PIP4K2C: variants seen among roughly 807,000 people sequenced by gnomAD.
PIP4K2C encodes the protein phosphatidylinositol-5-phosphate 4-kinase type 2 gamma, also known as phosphatidylinositol 5-phosphate 4-kinase type-2 gamma.
PIP4K2C carries 21 observed loss-of-function variants against 45.0 expected under a neutral mutation model. That is an observed-to-expected ratio of 0.47 (90% confidence interval 0.33 to 0.67). The LOEUF (loss-of-function observed/expected upper bound fraction) is 0.67. Ranked by LOEUF, PIP4K2C falls within the 30% of genes least tolerant of loss-of-function variation. PIP4K2C has a pLI of 0.02. For synonymous variants in PIP4K2C, 201 were observed against 204.8 expected (o/e 0.98, Z 0.16); for missense variants, 456 against 542.8 (o/e 0.84, Z 1.59).
In PIP4K2C at chr12:57,591,483, C is replaced by CCCCG. The variant is rs746002660; in HGVS notation, c.174+22_174+25dup. 1 of 1,592,404 alleles carries CCCCG rather than the reference C, an allele frequency of 6.3e-7. No individual in the cohort carries two copies. ...CACTCGGTGAGAACCAGCCCTAGAC[C>CCCCG]CCCGCAGCCCTGTCCAAACCCCTCG... On this transcript the variant is annotated intron_variant, in intron 1 of 9. Transcript: ENST00000354947.
chr12:57,595,702 C>CAAAAA (rs67101543), intron 3 of PIP4K2C, among the ~76,000 whole-genome samples, 186 bp from the exon 4 acceptor site: 1 of 101,564 alleles, frequency 9.8e-6, no homozygotes, highest in African/African-American at 3.6e-5. Context: ...GACTCCTTGT[C>CAAAAA]AAAAAAAAAA....
chr12:57,591,437 G>A lies in PIP4K2C; in HGVS notation c.148G>A (p.Val50Met), dbSNP rs767174080. 30 of 1,613,282 alleles carry A rather than the reference G, an allele frequency of 1.9e-5. No individual in the cohort carries two copies. Among genetic ancestry groups the A allele is most frequent in the Non-Finnish European group, 2.4e-5 (28 of 1,179,716 alleles). The change falls in exon 1 of 10, where the codon GTG (valine) becomes ATG (methionine). Residue 50 changes from valine (V) to methionine (M), a missense_variant. Coordinates refer to ENST00000354947, the MANE Select transcript of PIP4K2C (RefSeq NM_024779.5). Reference protein sequence around the residue: ...VFRAADPLVGVFLWGVAHSIN... With the variant: ...VFRAADPLVGMFLWGVAHSIN... ...CCGGGCGGCCGACCCGCTGGTGGGTGTGTTCCTGTGGGGCGTAGCCCACTC... is the reference window on the plus strand; with the variant it reads ...CCGGGCGGCCGACCCGCTGGTGGGTATGTTCCTGTGGGGCGTAGCCCACTC...
Position 57,603,353 on chromosome 12 carries a change from T to G in PIP4K2C, c.*1747T>G, listed in dbSNP as rs373243118. The G allele has an allele frequency of 2.6e-5, 4 of 152,680 alleles. No individual in the cohort carries two copies. In the East Asian group the frequency reaches 7.7e-4, roughly 29 times the overall value. The allele number at this position is 152,680 out of a possible 1,614,324, so 9.5% of individuals were successfully genotyped here. On this transcript the variant is annotated 3_prime_UTR_variant, in exon 10 of 10. Coordinates refer to ENST00000354947, the MANE Select transcript of PIP4K2C (RefSeq NM_024779.5). Reference sequence around the variant, plus strand: ...CTGTTTTTCATCTTTTTTGTTTTATTAATAAAAATTTATGTATTTGCTCCT... The same window carrying G: ...CTGTTTTTCATCTTTTTTGTTTTATGAATAAAAATTTATGTATTTGCTCCT...
chr12:57,593,022 G>A (rs1883029128), intron 1 of PIP4K2C, among the ~76,000 whole-genome samples: 1 of 151,854 alleles, frequency 6.6e-6, no homozygotes, highest in African/African-American at 2.4e-5. Context: ...AGCCTCTGTG[G>A]AATGATCTAG....
chr12:57,595,752 T>G, intron 3 of PIP4K2C, 136 bp from the exon 4 acceptor site: 1 of 861,488 alleles, frequency 1.2e-6, no homozygotes, highest in Non-Finnish European at 1.8e-6. Flanking sequence ...TCAGTCCACA[T>G]ATGGACACCT....
intron 4 of PIP4K2C, among the ~76,000 whole-genome samples, chr12:57,596,292 T>A (rs1210095767): frequency 6.6e-6 from 1 of 151,896 alleles, no homozygotes; most frequent in African/African-American, 2.4e-5. Context: ...TCGAGACCAG[T>A]CTGACCAACA....
rs1883087004 is a variant in PIP4K2C at position 57,594,045 on chromosome 12, G to C, written c.195G>C (p.Val65=). Residue 65 remains valine, a synonymous_variant, in exon 2 of 10, where the codon GTG becomes GTC. Coordinates refer to ENST00000354947, the MANE Select transcript of PIP4K2C (RefSeq NM_024779.5). The stretch of plus-strand genomic sequence containing the variant: ...ATCAGATCAATGAGCTCAGCCAGGT[G>C]CCTCCCCCGGTGATGCTGCTGCCAG... ...VAHSINELSQ[V]PPPVMLLPDD... is the part of the protein sequence containing the mutation. 1 of 1,613,834 alleles carries C rather than the reference G, an allele frequency of 6.2e-7. No individual in the cohort carries two copies. The highest frequency in any genetic ancestry group is 1.3e-5 in the African/African-American group (1 of 74,858).
chr12:57,594,680 C>T (rs1324987222), intron 2 of PIP4K2C, among the ~76,000 whole-genome samples: 3 of 152,252 alleles, frequency 2.0e-5, no homozygotes, highest in East Asian at 3.9e-4. Flanking sequence ...TTTATAGGAC[C>T]TCACAAGGGC....
At chr12:57,594,695 C>T (rs4760158) in intron 2 of PIP4K2C, among the ~76,000 whole-genome samples, 92,226 of 152,028 alleles carry the variant, frequency 0.61, 30,043 homozygotes, top group South Asian at 0.78. Context: ...AAGGGCCAGG[C>T]GTGGTGGCTC....
chr12:57,591,459 A>C lies in PIP4K2C; in HGVS notation c.170A>C (p.His57Pro). 2 of 1,609,866 alleles carry C rather than the reference A, an allele frequency of 1.2e-6. No homozygotes were observed. Among genetic ancestry groups the C allele is most frequent in the Non-Finnish European group, 1.7e-6 (2 of 1,177,932 alleles). The stretch of plus-strand genomic sequence containing the variant: ...GGTGTGTTCCTGTGGGGCGTAGCCC[A>C]CTCGGTGAGAACCAGCCCTAGACCC... ...LVGVFLWGVA[H>P]SINELSQVPP... The change falls in exon 1 of 10, where the codon CAC (histidine) becomes CCC (proline). Residue 57 changes from histidine (H) to proline (P), a missense_variant. This residue lies in a region of PIP4K2C where 421 missense variants were observed against 473.1 expected (regional missense o/e 0.89). Transcript: ENST00000354947.
Position 57,600,379 on chromosome 12 carries a change from T to C in PIP4K2C, c.755T>C (p.Val252Ala). 6.2e-7 allele frequency: 1 copy of C among 1,611,454 alleles called. No homozygotes were observed. Among genetic ancestry groups the C allele is most frequent in the Non-Finnish European group, 8.5e-7 (1 of 1,177,666 alleles). The stretch of plus-strand genomic sequence containing the variant: ...GACTTTCTCAACAAGAACCAGAAAG[T>C]ATATATTGGTGAAGAGGAGAAGAAA... ...DMDFLNKNQK[V>A]YIGEEEKKIF... Residue 252 changes from valine to alanine, a missense_variant, in exon 7 of 10, where the codon GTA becomes GCA. Physicochemically the swap from Val to Ala is moderately conservative, Grantham distance 64. Transcript: ENST00000354947.
Position 57,595,166 on chromosome 12 carries a change from C to A in PIP4K2C, c.313C>A (p.Pro105Thr). ...TCATTTCAAGTTCAAGGAGTATTGTCCCCAGGTCTTCAGGAACCTCCGTGA... is the reference window on the plus strand; with the variant it reads ...TCATTTCAAGTTCAAGGAGTATTGTACCCAGGTCTTCAGGAACCTCCGTGA... ...PSHFKFKEYC[P>T]QVFRNLRDRF... The change falls in exon 3 of 10, where the codon CCC becomes ACC. Residue 105 changes from proline (P) to threonine (T), a missense_variant. By Grantham distance (38) the Pro-to-Thr change is conservative. Coordinates refer to ENST00000354947, the MANE Select transcript of PIP4K2C (RefSeq NM_024779.5). 2 of 1,612,314 alleles carry A rather than the reference C, an allele frequency of 1.2e-6. No homozygotes were observed. Among genetic ancestry groups the A allele is most frequent in the Non-Finnish European group, 1.7e-6 (2 of 1,178,432 alleles).
Position 57,602,702 on chromosome 12 carries a change from CTT to C in PIP4K2C, c.*1097_*1098del, listed in dbSNP as rs948542780. 1 of 152,636 alleles carries C rather than the reference CTT, an allele frequency of 6.6e-6. No homozygotes were observed. The highest frequency in any genetic ancestry group is 2.4e-5 in the African/African-American group (1 of 41,400). The allele number at this position is 152,636 out of a possible 1,614,324, so 9.5% of individuals were successfully genotyped here. On this transcript the variant is annotated 3_prime_UTR_variant, in exon 10 of 10. Transcript: ENST00000354947. ...CCAGTTGGATTTGTTTTTCTGTTCT[CTT>C]CTGTCCTGTCTTATACTGCAACTGT...
chr12:57,599,196 G>C lies in PIP4K2C; in HGVS notation c.645G>C (p.Arg215Ser). Residue 215 changes from arginine (R) to serine (S), a missense_variant, in exon 5 of 10, where the codon AGG (arginine) becomes AGC (serine). Physicochemically the swap from Arg to Ser is moderately radical, Grantham distance 110 (BLOSUM62 -1). This residue lies in a region of PIP4K2C where 421 missense variants were observed against 473.1 expected (regional missense o/e 0.89). Transcript: ENST00000354947. ...TTAGCCACCGTCTTCCTGTGCACAG[G>C]AAGTATGACCTCAAGGTAAGAAGAG... ...NMFSHRLPVH[R>S]KYDLKGSLVS... 1 of 1,614,200 alleles carries C rather than the reference G, an allele frequency of 6.2e-7. No homozygotes were observed. Among genetic ancestry groups the C allele is most frequent in the Non-Finnish European group, 8.5e-7 (1 of 1,180,034 alleles).
intron 5 of PIP4K2C, 41 bp downstream of exon 5, chr12:57,599,252 T>C (rs1251766810): frequency 6.2e-7 from 1 of 1,611,148 alleles, no homozygotes; most frequent in South Asian, 1.1e-5. Flanking sequence ...AGGCTCCTGA[T>C]AGCCTGAGAA....
chr12:57,591,313 A>G lies in PIP4K2C; in HGVS notation c.24A>G (p.Pro8=). The G allele has an allele frequency of 6.2e-7, 1 of 1,612,828 alleles. No homozygotes were observed. Among genetic ancestry groups the G allele is most frequent in the South Asian group, 1.1e-5 (1 of 90,986 alleles). Residue 8 remains proline (P), a synonymous_variant, in exon 1 of 10, where the codon CCA becomes CCG. Transcript: ENST00000354947. ...CTATGGCGTCCTCCTCGGTCCCACC[A>G]GCCACGGTATCGGCGGCGACAGCAG... The part of the protein sequence containing the change: MASSSVP[P]ATVSAATAGP...
At chr12:57,594,895 G>A (rs1191382645) in intron 2 of PIP4K2C, among the ~76,000 whole-genome samples, 1 of 152,022 alleles carries the variant, frequency 6.6e-6, no homozygotes, top group East Asian at 1.9e-4. Flanking sequence ...GCTTGAACCC[G>A]GGGGATGGAG....
At chr12:57,599,357 T>G in intron 5 of PIP4K2C, 43 bp from the exon 6 acceptor site, 1 of 1,613,762 alleles carries the variant, frequency 6.2e-7, no homozygotes, top group Non-Finnish European at 8.5e-7. Flanking sequence ...CTGACTGTTC[T>G]TTTAGCCACT....
At position 57,594,136 on chromosome 12, in the gene PIP4K2C, C is replaced by G; in HGVS notation, c.272+14C>G. The G allele has an allele frequency of 6.3e-7, 1 of 1,592,920 alleles. No homozygotes were observed. The highest frequency in any genetic ancestry group is 1.8e-5 in the Admixed American group (1 of 57,070). On this transcript the variant is annotated intron_variant, in intron 2 of 9. Coordinates refer to ENST00000354947, the MANE Select transcript of PIP4K2C (RefSeq NM_024779.5). Reference sequence around the variant, plus strand: ...CCTTTTCCACAGGTAAGTGATGATCCTTGCCATTCTCATGTCAACCTTCCC... The same window carrying G: ...CCTTTTCCACAGGTAAGTGATGATCGTTGCCATTCTCATGTCAACCTTCCC...
Sources: gnomAD v4.1 joint callset for allele counts (sites outside exome capture counted in the v4.1 genomes callset) on GRCh38, gnomAD v4.1.1 for gene constraint, gnomAD v4.1.1 regional missense constraint, MANE v1.5 for transcripts, NCBI Gene and HGNC (gene_info 2026-07-23, HGNC 2026-07-21) for gene names.